PALM2AKAP2: variants seen among roughly 807,000 people sequenced by gnomAD.
PALM2AKAP2 encodes the protein PALM2-AKAP2 fusion protein.
A neutral mutation model predicts 71.5 loss-of-function variants in PALM2AKAP2; 37 were observed. That is an observed-to-expected ratio of 0.52 (90% confidence interval 0.40 to 0.68). The LOEUF (loss-of-function observed/expected upper bound fraction) is 0.68, where lower values mean the gene tolerates loss of function less well. Ranked by LOEUF, PALM2AKAP2 falls within the 30% of genes least tolerant of loss-of-function variation. The pLI is 0.00. For synonymous variants in PALM2AKAP2, 468 were observed against 478.8 expected (o/e 0.98, Z 0.29); for missense variants, 1,224 against 1,191.8 (o/e 1.03, Z -0.40).
intron 1 of PALM2AKAP2, among the ~76,000 whole-genome samples, chr9:109,767,770 A>C (rs1829178198): frequency 1.3e-5 from 2 of 152,152 alleles, no homozygotes; most frequent in African/African-American, 4.8e-5. Context: ...CTTGCTTCAG[A>C]GCATTCCTAA....
At chr9:110,053,506 G>T (rs1347756164) in intron 1 of PALM2AKAP2, among the ~76,000 whole-genome samples, 3 of 113,768 alleles carry the variant, frequency 2.6e-5, no homozygotes, top group Non-Finnish European at 5.0e-5. Context: ...CCAGCCTGGT[G>T]ACAGAGCAAG....
rs542171507 is a variant in PALM2AKAP2 at position 110,099,221 on chromosome 9, A to G, written c.157-36906A>G. On this transcript the variant is annotated intron_variant, in intron 1 of 3. Coordinates refer to ENST00000374525, the Ensembl canonical transcript of PALM2AKAP2. ...TTAGAAATGTAATGCTGTTTTTCCT[A>G]CGGAATCAATTTCTGTAGAAATAGA... Among the ~76,000 whole-genome samples, 8 of 152,322 alleles carry G rather than the reference A, an allele frequency of 5.3e-5. 1 individual carries two copies. The South Asian group carries it at 1.2e-3, about 24-fold the overall frequency.
chr9:109,658,021 G>C (rs1827332882), intron 1 of PALM2AKAP2, among the ~76,000 whole-genome samples: 1 of 151,672 alleles, frequency 6.6e-6, no homozygotes, highest in Non-Finnish European at 1.5e-5. Context: ...TCACAGAGGA[G>C]GCCAAAGTAT....
At chr9:109,784,865 G>A (rs144042510) in intron 1 of PALM2AKAP2, among the ~76,000 whole-genome samples, 18 of 152,302 alleles carry the variant, frequency 1.2e-4, no homozygotes, top group African/African-American at 4.3e-4. Flanking sequence ...TGATTCCATT[G>A]CAATGGGAAA....
intron 1 of PALM2AKAP2, among the ~76,000 whole-genome samples, chr9:109,800,970 C>A (rs181304607): frequency 1.3e-5 from 2 of 152,238 alleles, no homozygotes. Context: ...GGGGAATCAG[C>A]CTGAAGAACT....
intron 1 of PALM2AKAP2, among the ~76,000 whole-genome samples, chr9:110,058,157 T>C (rs1026739423): frequency 2.7e-5 from 4 of 150,920 alleles, no homozygotes; most frequent in Non-Finnish European, 4.4e-5. Context: ...CCTGTAGATA[T>C]GTTTCGTAGC....
chr9:109,705,491 G>T (rs1164503628), intron 1 of PALM2AKAP2, among the ~76,000 whole-genome samples: 2 of 152,182 alleles, frequency 1.3e-5, no homozygotes, highest in Non-Finnish European at 2.9e-5. Context: ...CATCTCCTGT[G>T]GTTCAGTTCT....
At chr9:109,815,105 G>A (rs981637343) in intron 1 of PALM2AKAP2, among the ~76,000 whole-genome samples, 15 of 152,326 alleles carry the variant, frequency 9.8e-5, no homozygotes, top group African/African-American at 3.6e-4. Flanking sequence ...TGTGGAGATG[G>A]TGAAGAAGGC....
At chr9:109,959,771 AG>A (rs2132111769) in intron 6 of PALM2AKAP2, among the ~76,000 whole-genome samples, 1 of 152,088 alleles carries the variant, frequency 6.6e-6, no homozygotes, top group Non-Finnish European at 1.5e-5. Flanking sequence ...GGCTGAAGAG[AG>A]TTTGTTTTCA....
intron 1 of PALM2AKAP2, among the ~76,000 whole-genome samples, chr9:109,790,987 GCATGTGTGTTCAAAATT>G (rs2118868905): frequency 1.3e-5 from 2 of 152,302 alleles, no homozygotes; most frequent in African/African-American, 4.8e-5. Flanking sequence ...TGATGTCTGA[GCATGTGTGTTCAAAATT>G]CAGTGTTGTT....
At chr9:109,800,786 A>G (rs1177902726) in intron 1 of PALM2AKAP2, among the ~76,000 whole-genome samples, 1 of 152,256 alleles carries the variant, frequency 6.6e-6, no homozygotes, top group Non-Finnish European at 1.5e-5. Flanking sequence ...TATTGATTAA[A>G]CAATTGTAAG....
chr9:110,052,609 G>A (rs55951828), intron 1 of PALM2AKAP2, among the ~76,000 whole-genome samples: 3,642 of 152,302 alleles, frequency 0.024, 162 homozygotes, highest in African/African-American at 0.083. Flanking sequence ...GAGTATTAAA[G>A]AAATGGGGTA....
At chr9:110,083,249 T>C (rs1834488843) in intron 1 of PALM2AKAP2, among the ~76,000 whole-genome samples, 1 of 152,198 alleles carries the variant, frequency 6.6e-6, no homozygotes. Flanking sequence ...TTGGCTACTC[T>C]AGGTACCTTG....
rs142318124 is a variant in PALM2AKAP2, at chr9:110,049,368, A to T, written c.156+513A>T. On this transcript the variant is annotated intron_variant, in intron 1 of 3. Coordinates refer to ENST00000374525, the Ensembl canonical transcript of PALM2AKAP2. ...TGAACTTTTCAGAGAGACTGAAGTCAGGGAGGGCCGGGCCCCGGCCCCGGT... is the reference window on the plus strand; with the variant it reads ...TGAACTTTTCAGAGAGACTGAAGTCTGGGAGGGCCGGGCCCCGGCCCCGGT... Among the ~76,000 whole-genome samples the T allele has an allele frequency of 4.7e-3, 711 of 152,196 alleles. 6 individuals carry two copies. The highest frequency in any genetic ancestry group is 0.016 in the African/African-American group (675 of 41,536).
chr9:109,971,008 G>A (rs1300594397), intron 6 of PALM2AKAP2, among the ~76,000 whole-genome samples: 3 of 152,118 alleles, frequency 2.0e-5, no homozygotes, highest in Non-Finnish European at 2.9e-5. Flanking sequence ...CTACTCAGGT[G>A]GATGAGGTGG....
chr9:109,805,709 A>G lies in PALM2AKAP2; in HGVS notation c.45+25176A>G, dbSNP rs180951392. Among the ~76,000 whole-genome samples the G allele has an allele frequency of 3.9e-5, 6 of 152,364 alleles. No individual in the cohort carries two copies. The East Asian group carries it at 1.2e-3, about 29-fold the overall frequency. On this transcript the variant is annotated intron_variant, in intron 1 of 9. Transcript: ENST00000302798. ...ACCTTTCCCAAGATGCAGCGACTGA[A>G]TAGATACTTGGTATATAGGCAGAAG...
At chr9:109,932,694 T>G (rs1831132567) in intron 6 of PALM2AKAP2, among the ~76,000 whole-genome samples, 1 of 152,196 alleles carries the variant, frequency 6.6e-6, no homozygotes, top group African/African-American at 2.4e-5. Context: ...ACTGGAAGGA[T>G]GCAAGCAATA....
chr9:109,939,235 A>G (rs1184237715), intron 6 of PALM2AKAP2, among the ~76,000 whole-genome samples: 1 of 152,104 alleles, frequency 6.6e-6, no homozygotes, highest in African/African-American at 2.4e-5. Context: ...TTTGTGTATT[A>G]TGTGGATATA....
At position 110,168,393 on chromosome 9, in the gene PALM2AKAP2, T is replaced by G; in HGVS notation, c.2749-6T>G. The G allele has an allele frequency of 1.2e-6, 2 of 1,613,676 alleles. No individual in the cohort carries two copies. ...CTCTGCATAATTTTTTCCCCTCTCT[T>G]TACAGGTCCTCGAGGCCACACGGGT... is the stretch of plus-strand genomic sequence containing the variant. On this transcript the variant is annotated splice_region_variant and splice_polypyrimidine_tract_variant and intron_variant, in intron 3 of 3. Coordinates refer to ENST00000374525, the Ensembl canonical transcript of PALM2AKAP2.
Sources: allele counts gnomAD v4.1 joint callset (sites outside exome capture counted in the v4.1 genomes callset), GRCh38; gene constraint gnomAD v4.1.1; transcripts MANE v1.5; gene names NCBI Gene and HGNC (gene_info 2026-07-23, HGNC 2026-07-21).